The following ZFAND3 variants were observed in gnomAD, a reference collection of about 807,000 sequenced individuals.
The protein encoded by ZFAND3 is AN1-type zinc finger protein 3.
Under a neutral mutation model 29.6 loss-of-function variants are expected in ZFAND3, and 10 were observed. The observed-to-expected ratio is 0.34, with a 90% CI of 0.21 to 0.57. The LOEUF is 0.57. Ranked by LOEUF, ZFAND3 falls within the 20% of genes least tolerant of loss-of-function variation. ZFAND3 has a pLI of 0.86. For synonymous variants in ZFAND3, 128 were observed against 112.6 expected, an observed-to-expected ratio of 1.14 and a Z score of -0.87; for missense variants, 230 against 304.5, an observed-to-expected ratio of 0.76 and a Z score of 1.82.
intron 4 of ZFAND3, among the ~76,000 whole-genome samples, chr6:38,112,556 A>G (rs1312726620): frequency 6.6e-6 from 1 of 152,256 alleles, no homozygotes; most frequent in Non-Finnish European, 1.5e-5. Flanking sequence ...GGAAATTGGC[A>G]ATGCTTCACG....
intron 4 of ZFAND3, among the ~76,000 whole-genome samples, chr6:38,088,739 ATAG>A (rs1764805677): frequency 6.6e-6 from 1 of 152,166 alleles, no homozygotes; most frequent in Admixed American, 6.5e-5. Flanking sequence ...ATTCTCTCTG[ATAG>A]ACTTGAAAAA....
intron 2 of ZFAND3, among the ~76,000 whole-genome samples, chr6:38,054,135 C>G (rs1161414602): frequency 6.7e-6 from 1 of 148,858 alleles, no homozygotes; most frequent in Non-Finnish European, 1.5e-5. Context: ...AATCCTGGCA[C>G]TTTGAGATAC....
At chr6:38,010,136 A>C (rs1247900761) in intron 2 of ZFAND3, among the ~76,000 whole-genome samples, 1 of 152,228 alleles carries the variant, frequency 6.6e-6, no homozygotes, top group Non-Finnish European at 1.5e-5. Flanking sequence ...CAGTTATTCC[A>C]GCTCAGGGTG....
At chr6:38,091,792 C>T (rs973210426) in intron 4 of ZFAND3, among the ~76,000 whole-genome samples, 3 of 150,954 alleles carry the variant, frequency 2.0e-5, no homozygotes, top group Admixed American at 1.3e-4. Flanking sequence ...AGGTGGGTGC[C>T]GAAGTGGAAC....
intron 2 of ZFAND3, among the ~76,000 whole-genome samples, chr6:37,985,746 A>T (rs1762661237): frequency 6.6e-6 from 1 of 152,376 alleles, no homozygotes; most frequent in East Asian, 1.9e-4. Flanking sequence ...TGCCACCAAC[A>T]TACAAAGCAC....
At chr6:37,944,718 T>A (rs1379321743) in intron 2 of ZFAND3, among the ~76,000 whole-genome samples, 1 of 152,206 alleles carries the variant, frequency 6.6e-6, no homozygotes, top group Non-Finnish European at 1.5e-5. Context: ...TATTTAATAT[T>A]TTTTCTTTTG....
chr6:38,111,990 G>A (rs1039538008), intron 4 of ZFAND3, among the ~76,000 whole-genome samples: 1 of 152,034 alleles, frequency 6.6e-6, no homozygotes, highest in Admixed American at 6.6e-5. Context: ...ACCGAGAGAC[G>A]GACTGTGCAG....
chr6:37,819,789 C>T lies in ZFAND3; in HGVS notation c.-157C>T. ...CCAGCTGACCGGCCTGGAATCCCGG[C>T]TCCGAGCCCCGGACTCGCGCCCGCC... On this transcript the variant is annotated 5_prime_UTR_variant, in exon 1 of 6. Transcript: ENST00000287218. 1 of 349,784 alleles carries T rather than the reference C, an allele frequency of 2.9e-6. No homozygotes were observed. Among genetic ancestry groups the T allele is most frequent in the Non-Finnish European group, 4.3e-6 (1 of 234,018 alleles). The allele number at this position is 349,784 out of a possible 1,614,324, so 21.7% of individuals were successfully genotyped here. A position where few individuals can be genotyped will look rare whatever the true frequency, so the allele number is the denominator to read the frequency against.
chr6:37,888,284 A>G (rs970542295), intron 1 of ZFAND3, among the ~76,000 whole-genome samples: 1 of 152,158 alleles, frequency 6.6e-6, no homozygotes, highest in African/African-American at 2.4e-5. Context: ...CCAGACTTGC[A>G]AGTTTGAATG....
At chr6:37,888,615 A>AT (rs2127395294) in intron 1 of ZFAND3, among the ~76,000 whole-genome samples, 1 of 152,210 alleles carries the variant, frequency 6.6e-6, no homozygotes, top group Admixed American at 6.5e-5. Flanking sequence ...CCGAAATCCC[A>AT]TTTTCCAGAT....
chr6:38,061,582 T>C lies in ZFAND3; in HGVS notation c.113-11T>C. Reference sequence around the variant, plus strand: ...ACTCCTTAATTAAGCTCGTTTTCTATTTTTCTTCAGATTTTCAAAAGAAAC... The same window carrying C: ...ACTCCTTAATTAAGCTCGTTTTCTACTTTTCTTCAGATTTTCAAAAGAAAC... On this transcript the variant is annotated splice_polypyrimidine_tract_variant and intron_variant, in intron 2 of 5. Coordinates refer to ENST00000287218, the MANE Select transcript of ZFAND3 (RefSeq NM_021943.3). The C allele has an allele frequency of 1.2e-6, 2 of 1,613,924 alleles. No homozygotes were observed. Among genetic ancestry groups the C allele is most frequent in the South Asian group, 2.2e-5 (2 of 91,080 alleles).
chr6:38,049,011 A>T (rs570094688), intron 2 of ZFAND3, among the ~76,000 whole-genome samples: 1 of 151,862 alleles, frequency 6.6e-6, no homozygotes, highest in Admixed American at 6.6e-5. Flanking sequence ...GGAGGTTTTT[A>T]TTTTTTTTAC....
intron 2 of ZFAND3, among the ~76,000 whole-genome samples, chr6:37,987,375 A>G (rs987439825): frequency 2.0e-5 from 3 of 152,232 alleles, no homozygotes; most frequent in Admixed American, 6.5e-5. Flanking sequence ...GTATTAACCA[A>G]AAATGTTTAC....
chr6:38,072,446 A>G (rs1764475328), intron 3 of ZFAND3, among the ~76,000 whole-genome samples: 1 of 152,068 alleles, frequency 6.6e-6, no homozygotes, highest in South Asian at 2.1e-4. Flanking sequence ...TGCCCCCAAT[A>G]TGGATTTCTT....
intron 1 of ZFAND3, among the ~76,000 whole-genome samples, chr6:37,842,472 G>A (rs2127374712): frequency 6.6e-6 from 1 of 152,156 alleles, no homozygotes; most frequent in South Asian, 2.1e-4. Context: ...ATTTATCAGT[G>A]TTGTATGAAT....
intron 1 of ZFAND3, among the ~76,000 whole-genome samples, chr6:37,861,448 T>C (rs184544903): frequency 1.3e-5 from 2 of 151,934 alleles, no homozygotes; most frequent in Admixed American, 1.3e-4. Flanking sequence ...GGGGACAACA[T>C]GATAAAAAAG....
chr6:37,975,767 A>G (rs769810543), intron 2 of ZFAND3, among the ~76,000 whole-genome samples: 6 of 152,166 alleles, frequency 3.9e-5, no homozygotes, highest in Admixed American at 2.0e-4. Flanking sequence ...CTTTATGCCA[A>G]TACCTCTTTT....
intron 2 of ZFAND3, among the ~76,000 whole-genome samples, chr6:37,949,460 G>A (rs1282994851): frequency 2.0e-5 from 3 of 152,032 alleles, no homozygotes; most frequent in African/African-American, 7.3e-5. Flanking sequence ...CACCAGCCAG[G>A]TATCCTCCAG....
intron 1 of ZFAND3, among the ~76,000 whole-genome samples, chr6:37,850,681 G>A (rs2127378960): frequency 6.6e-6 from 1 of 152,268 alleles, no homozygotes; most frequent in Middle Eastern, 3.4e-3. Flanking sequence ...GTTTTTCTAA[G>A]TACACTGTAT....
Sources: allele counts gnomAD v4.1 joint callset (sites outside exome capture counted in the v4.1 genomes callset), GRCh38; gene constraint gnomAD v4.1.1; transcripts MANE v1.5; gene names NCBI Gene and HGNC (gene_info 2026-07-23, HGNC 2026-07-21).